Variants in BRD4 observed in about 807,000 individuals in gnomAD.
BRD4 encodes bromodomain-containing protein 4.
In BRD4, 16 loss-of-function variants were observed where a neutral mutation model predicts 142.1. That is an observed-to-expected ratio of 0.11 (90% CI 0.08 to 0.17). The LOEUF (loss-of-function observed/expected upper bound fraction) is 0.17, where lower values mean the gene tolerates loss of function less well. Among genes scored for constraint, BRD4 ranks in the 10% least tolerant of loss-of-function variants. BRD4 has a pLI of 1.00. For synonymous variants in BRD4, 833 were observed against 707.5 expected (o/e 1.18, Z -2.82); for missense variants, 1,424 against 1,810.9 (o/e 0.79, Z 3.88).
intron 1 of BRD4, among the ~76,000 whole-genome samples, chr19:15,292,172 C>T (rs1053662552): frequency 6.6e-6 from 1 of 152,206 alleles, no homozygotes; most frequent in African/African-American, 2.4e-5. Flanking sequence ...CTAGTTATCA[C>T]AACATCCCAC....
At chr19:15,321,263 C>CAAAGAAA (rs1036601986) in intron 1 of BRD4, among the ~76,000 whole-genome samples, 1 of 148,236 alleles carries the variant, frequency 6.7e-6, no homozygotes, top group Non-Finnish European at 1.5e-5. Context: ...GGAAAGAAAA[C>CAAAGAAA]AAAGAAAAAA....
intron 1 of BRD4, among the ~76,000 whole-genome samples, chr19:15,274,585 C>T (rs2047625849): frequency 6.6e-6 from 1 of 152,230 alleles, no homozygotes; most frequent in South Asian, 2.1e-4. Context: ...GCCACAAGGA[C>T]ACAGGCGGCC....
Position 15,255,561 on chromosome 19 carries a change from G to A in BRD4, c.1783C>T (p.Pro595Ser), listed in dbSNP as rs2145570981. The change falls in exon 10 of 20, where the codon CCC (proline) becomes TCC (serine). Residue 595 changes from proline to serine, a missense_variant. Physicochemically the swap from Pro to Ser is moderately conservative, Grantham distance 74. Transcript: ENST00000679869. ...KKEPAPMKSK[P>S]PPTYESEEED... The stretch of plus-strand genomic sequence containing the variant: ...TCCTCCGACTCATACGTGGGAGGGG[G>A]CTTGCTCTTCATGGGCGCTGGCTCC... The A allele has an allele frequency of 6.2e-7, 1 of 1,609,582 alleles. No homozygotes were observed. Among genetic ancestry groups the A allele is most frequent in the Non-Finnish European group, 8.5e-7 (1 of 1,176,210 alleles).
intron 7 of BRD4, among the ~76,000 whole-genome samples, chr19:15,261,065 C>G (rs1599458750): frequency 6.6e-6 from 1 of 152,194 alleles, no homozygotes; most frequent in East Asian, 1.9e-4. Context: ...TCAATGTGAG[C>G]AGTGTGGGCA....
At chr19:15,244,143 A>C (rs2047263281) in intron 13 of BRD4, 88 bp downstream of exon 13, 2 of 1,532,848 alleles carry the variant, frequency 1.3e-6, no homozygotes, top group African/African-American at 2.7e-5. Flanking sequence ...GAGGCTAAGA[A>C]GCTGCCCAGC....
intron 11 of BRD4, chr19:15,247,266 C>T (rs1043373056): frequency 7.3e-5 from 17 of 231,898 alleles, no homozygotes; most frequent in African/African-American, 2.7e-4. Flanking sequence ...ACTGAGCGGC[C>T]GCCTCCCGCC....
intron 10 of BRD4, among the ~76,000 whole-genome samples, chr19:15,254,651 C>A (rs1022218564): frequency 2.0e-5 from 3 of 152,026 alleles, no homozygotes; most frequent in Admixed American, 6.5e-5. Context: ...CAAAAGGTAA[C>A]GCAAGGCAGG....
chr19:15,300,031 G>A (rs1186194743), intron 1 of BRD4, among the ~76,000 whole-genome samples: 1 of 151,874 alleles, frequency 6.6e-6, no homozygotes, highest in African/African-American at 2.4e-5. Context: ...GATCACTTGA[G>A]CCCAGGAGCT....
chr19:15,238,087 T>A lies in BRD4; in HGVS notation c.*290A>T. 2.2e-6 allele frequency: 1 copy of A among 460,200 alleles called. No homozygotes were observed. Among genetic ancestry groups the A allele is most frequent in the South Asian group, 2.4e-5 (1 of 40,928 alleles). 28.5% of individuals were successfully genotyped at this position (460,200 alleles called of 1,614,324 possible). ...CGGAGAGAAGGGCCTCTGCCCCGCA[T>A]GTGGGGATGCAGGGCTTGGGTCCAG... is the stretch of plus-strand genomic sequence containing the variant. On this transcript the variant is annotated 3_prime_UTR_variant, in exon 20 of 20. Transcript: ENST00000679869. The surrounding 1 kb of genome is among the most constrained non-coding windows in gnomAD (Gnocchi z 7.2).
At chr19:15,326,804 G>A (rs543587402) in intron 1 of BRD4, among the ~76,000 whole-genome samples, 4 of 152,310 alleles carry the variant, frequency 2.6e-5, no homozygotes, top group Admixed American at 1.3e-4. Context: ...CTTCTTCAGA[G>A]TGGACTACAT....
At position 15,239,416 on chromosome 19, in the gene BRD4, C is replaced by T. The variant is rs748002758; in HGVS notation, c.3552G>A (p.Pro1184=). 10 of 1,614,066 alleles carry T rather than the reference C, an allele frequency of 6.2e-6. No homozygotes were observed. The highest frequency in any genetic ancestry group is 2.7e-5 in the African/African-American group (2 of 74,936). Residue 1184 remains proline (P), a synonymous_variant, in exon 17 of 20, where the codon CCG becomes CCA. Coordinates refer to ENST00000679869, the MANE Select transcript of BRD4 (RefSeq NM_001379291.1). The surrounding 1 kb of genome is among the most constrained non-coding windows in gnomAD (Gnocchi z 7.4). The part of the protein sequence containing the change: ...APDKDKQKQE[P]KTPVAPKKDL... ...CCTTTTTGGGCGCAACTGGAGTCTT[C>T]GGCTCCTGTTTCTGTTTGTCCTTGT...
intron 1 of BRD4, among the ~76,000 whole-genome samples, chr19:15,289,406 C>G (rs28491560): frequency 0.011 from 1,656 of 152,202 alleles, 35 homozygotes; most frequent in African/African-American, 0.038. Flanking sequence ...ATAAAATTGG[C>G]CGGGCATGGT....
chr19:15,311,676 C>T (rs1205253564), intron 1 of BRD4, among the ~76,000 whole-genome samples: 1 of 151,662 alleles, frequency 6.6e-6, no homozygotes, highest in Non-Finnish European at 1.5e-5. Context: ...GTGGCGGGTG[C>T]CTGTAATCCC....
intron 1 of BRD4, among the ~76,000 whole-genome samples, chr19:15,315,529 T>C (rs2048009566): frequency 6.6e-6 from 1 of 152,090 alleles, no homozygotes; most frequent in Admixed American, 6.6e-5. Context: ...GAAGCACCCA[T>C]GAGCTAGAAC....
At chr19:15,299,206 C>T (rs1363644077) in intron 1 of BRD4, among the ~76,000 whole-genome samples, 4 of 152,166 alleles carry the variant, frequency 2.6e-5, no homozygotes, top group African/African-American at 9.7e-5. Context: ...AGGGAGAAGG[C>T]CCCATCACTC....
At chr19:15,274,294 T>C (rs1040551437) in intron 1 of BRD4, among the ~76,000 whole-genome samples, 1 of 152,032 alleles carries the variant, frequency 6.6e-6, no homozygotes, top group East Asian at 1.9e-4. Context: ...CCCACTCACA[T>C]GTGGAGTAGG....
intron 1 of BRD4, among the ~76,000 whole-genome samples, chr19:15,289,432 T>A (rs562515247): frequency 6.6e-6 from 1 of 152,064 alleles, no homozygotes; most frequent in Admixed American, 6.5e-5. Context: ...ATGTCTGTAA[T>A]CCCAGCTACT....
chr19:15,289,651 T>C (rs762730887), intron 1 of BRD4, among the ~76,000 whole-genome samples: 1 of 151,316 alleles, frequency 6.6e-6, no homozygotes, highest in Non-Finnish European at 1.5e-5. Context: ...GCAAAAGTAA[T>C]TGCGGTTTTG....
chr19:15,246,241 T>C (rs1568379301), intron 11 of BRD4, among the ~76,000 whole-genome samples: 1 of 152,132 alleles, frequency 6.6e-6, no homozygotes, highest in East Asian at 1.9e-4. Context: ...TGAGTAGATT[T>C]GCAGTGTCAG....
Sources: gnomAD v4.1 joint callset for allele counts (sites outside exome capture counted in the v4.1 genomes callset) on GRCh38, gnomAD v4.1.1 for gene constraint, Gnocchi (gnomAD v3.1) non-coding constraint, MANE v1.5 for transcripts, NCBI Gene and HGNC (gene_info 2026-07-23, HGNC 2026-07-21) for gene names.